Variants in TWSG1 observed in about 807,000 individuals in gnomAD.
TWSG1 encodes twisted gastrulation BMP signaling modulator 1.
A neutral mutation model predicts 23.0 loss-of-function variants in TWSG1; 15 were observed. That is an observed-to-expected ratio of 0.65 (90% confidence interval 0.44 to 1.00). The LOEUF is 1.00. TWSG1 is among the 50% of genes least tolerant of loss of function. The pLI is 0.00. For synonymous variants in TWSG1, 86 were observed against 92.8 expected (o/e 0.93, Z 0.42); for missense variants, 242 against 278.7 (o/e 0.87, Z 0.94).
rs144724739 is a variant in TWSG1 at position 9,399,214 on chromosome 18, T to C, written c.491-132T>C. The C allele has an allele frequency of 2.9e-4, 135 of 461,806 alleles. No homozygotes were observed. In the East Asian group the frequency reaches 4.5e-3, roughly 15 times the overall value. 28.6% of individuals were successfully genotyped at this position (461,806 alleles called of 1,614,324 possible). A position where few individuals can be genotyped will look rare whatever the true frequency, so the allele number is the denominator to read the frequency against. ...TGAAGATCTTTTTTCCTGTACCTCA[T>C]CTTTGTCATGTACAGACCAGTAATA... On this transcript the variant is annotated intron_variant, in intron 4 of 4. Coordinates refer to ENST00000262120, the MANE Select transcript of TWSG1 (RefSeq NM_020648.6).
intron 3 of TWSG1, among the ~76,000 whole-genome samples, chr18:9,386,316 C>A (rs912049415): frequency 8.5e-6 from 1 of 117,744 alleles, no homozygotes; most frequent in Non-Finnish European, 1.8e-5. Context: ...AAAAATTAGC[C>A]GGGCGTGGTA....
chr18:9,338,175 T>C (rs1357731849), intron 2 of TWSG1, among the ~76,000 whole-genome samples: 2 of 152,218 alleles, frequency 1.3e-5, no homozygotes, highest in African/African-American at 2.4e-5. Flanking sequence ...AGTAATTGTG[T>C]ATATGTGCTA....
intron 3 of TWSG1, among the ~76,000 whole-genome samples, chr18:9,383,487 C>T (rs1010498895): frequency 6.6e-6 from 1 of 152,116 alleles, no homozygotes; most frequent in South Asian, 2.1e-4. Context: ...CCACTGCACC[C>T]GGCCTTGAAT....
rs541677405 is a variant in TWSG1, at chr18:9,357,552, C to T, written c.124-2420C>T. On this transcript the variant is annotated intron_variant, in intron 2 of 4. Transcript: ENST00000262120. ...GGTCTGTGTTTACATTTTGAAAGCA[C>T]GGTATTGAGGTACAGAAATGAGAAA... 1.1e-4 allele frequency among the ~76,000 whole-genome samples: 16 copies of T among 152,150 alleles called. 1 individual carries two copies. In the South Asian group the frequency reaches 3.3e-3, roughly 32 times the overall value.
In TWSG1 at chr18:9,385,366, C is replaced by T. The variant is rs996832419; in HGVS notation, c.224-10914C>T. Among the ~76,000 whole-genome samples, 9 of 151,984 alleles carry T rather than the reference C, an allele frequency of 5.9e-5. No homozygotes were observed. The East Asian group carries it at 9.7e-4, about 16-fold the overall frequency. On this transcript the variant is annotated intron_variant, in intron 3 of 4. Coordinates refer to ENST00000262120, the MANE Select transcript of TWSG1 (RefSeq NM_020648.6). ...GTGTCTCCAGCCTAATGACTAGATG[C>T]GAAAGAAAAATAGAATAAGTGTAGC...
chr18:9,375,906 C>T (rs117095184), intron 3 of TWSG1, among the ~76,000 whole-genome samples: 70 of 151,544 alleles, frequency 4.6e-4, no homozygotes, highest in Non-Finnish European at 7.8e-4. Flanking sequence ...GTTCTTCCCA[C>T]CTTCATCTAT....
chr18:9,369,791 A>G (rs904041017), intron 3 of TWSG1, among the ~76,000 whole-genome samples: 4 of 151,968 alleles, frequency 2.6e-5, no homozygotes, highest in Non-Finnish European at 5.9e-5. Context: ...TCAGCCTCCC[A>G]AAGCATTGGG....
intron 2 of TWSG1, among the ~76,000 whole-genome samples, chr18:9,359,717 TATAAA>T (rs1247702976): frequency 6.6e-6 from 1 of 152,192 alleles, no homozygotes; most frequent in African/African-American, 2.4e-5. Context: ...AGTTATGGAT[TATAAA>T]ATAAAATATT....
intron 3 of TWSG1, among the ~76,000 whole-genome samples, chr18:9,383,476 G>A (rs1180176117): frequency 6.6e-6 from 1 of 152,186 alleles, no homozygotes; most frequent in East Asian, 1.9e-4. Context: ...ACAGGCATGA[G>A]CCACTGCACC....
At chr18:9,384,410 T>TA (rs1187356606) in intron 3 of TWSG1, among the ~76,000 whole-genome samples, 1 of 152,204 alleles carries the variant, frequency 6.6e-6, no homozygotes, top group Admixed American at 6.5e-5. Flanking sequence ...AGTAGATTGA[T>TA]ATGCAGGTAA....
intron 3 of TWSG1, among the ~76,000 whole-genome samples, chr18:9,369,624 T>G (rs1455490262): frequency 6.6e-6 from 1 of 152,144 alleles, no homozygotes; most frequent in Non-Finnish European, 1.5e-5. Flanking sequence ...TTGTTTGAGT[T>G]CCTTTTTTTT....
intron 3 of TWSG1, among the ~76,000 whole-genome samples, chr18:9,382,484 C>A (rs111876127): frequency 0.012 from 1,858 of 151,936 alleles, 54 homozygotes; most frequent in African/African-American, 0.043. Flanking sequence ...TATCGGGCCA[C>A]TGCACTCCAG....
chr18:9,347,736 A>T lies in TWSG1; in HGVS notation c.123+10384A>T, dbSNP rs145167734. Among the ~76,000 whole-genome samples the T allele has an allele frequency of 3.4e-3, 524 of 151,998 alleles. 6 individuals are homozygous for T. The highest frequency in any genetic ancestry group is 5.0e-3 in the South Asian group (24 of 4,814). ...CTGACCTTACCTTTGGACTCTTTCT[A>T]TTGAATTTTTTAATTTTAGCAATAA... On this transcript the variant is annotated intron_variant, in intron 2 of 4. Transcript: ENST00000262120.
rs1280356296 is a variant in TWSG1 at position 9,360,372 on chromosome 18, TG to T, written c.223+302del. On this transcript the variant is annotated intron_variant, in intron 3 of 4. Transcript: ENST00000262120. Reference sequence around the variant, plus strand: ...TTTATAAGCAGCAGCATTTTTTTTTTGTTTTTAATAAGAAGTAGGTTTTATA... The same window carrying T: ...TTTATAAGCAGCAGCATTTTTTTTTTTTTTTAATAAGAAGTAGGTTTTATA... 7.9e-5 allele frequency among the ~76,000 whole-genome samples: 12 copies of T among 152,156 alleles called. No individual in the cohort carries two copies. In the South Asian group the frequency reaches 1.2e-3, roughly 16 times the overall value.
At chr18:9,392,352 G>A (rs1053735799) in intron 3 of TWSG1, among the ~76,000 whole-genome samples, 2 of 152,216 alleles carry the variant, frequency 1.3e-5, no homozygotes, top group African/African-American at 4.8e-5. Context: ...TTATGTTATA[G>A]AGATGGCTTC....
chr18:9,358,609 G>C (rs935844719), intron 2 of TWSG1, among the ~76,000 whole-genome samples: 1 of 152,138 alleles, frequency 6.6e-6, no homozygotes, highest in African/African-American at 2.4e-5. Flanking sequence ...GTCTTAAGGA[G>C]CAGGCTTCTG....
At chr18:9,342,734 T>C (rs1410583419) in intron 2 of TWSG1, among the ~76,000 whole-genome samples, 1 of 152,208 alleles carries the variant, frequency 6.6e-6, no homozygotes, top group East Asian at 1.9e-4. Flanking sequence ...TTTCCCAAGT[T>C]GGTTCCAGTG....
intron 3 of TWSG1, among the ~76,000 whole-genome samples, chr18:9,378,932 C>T (rs1167562931): frequency 2.6e-5 from 4 of 151,976 alleles, no homozygotes; most frequent in East Asian, 1.9e-4. Context: ...CTCAATATCA[C>T]TAATCATTAC....
intron 2 of TWSG1, among the ~76,000 whole-genome samples, chr18:9,349,596 TTAAAAA>T (rs2040492272): frequency 6.6e-6 from 1 of 152,206 alleles, no homozygotes; most frequent in Non-Finnish European, 1.5e-5. Flanking sequence ...TTGTCTTAAG[TTAAAAA>T]TAAATAGTTC....
Sources: allele counts gnomAD v4.1 joint callset (sites outside exome capture counted in the v4.1 genomes callset), GRCh38; gene constraint gnomAD v4.1.1; transcripts MANE v1.5; gene names NCBI Gene and HGNC (gene_info 2026-07-23, HGNC 2026-07-21).